The following FBN1 variants were observed in gnomAD, a reference collection of about 807,000 sequenced individuals.
FBN1 encodes fibrillin 1.
FBN1 carries 29 observed loss-of-function variants against 365.1 expected under a neutral mutation model. The observed-to-expected ratio is 0.08, with a 90% confidence interval of 0.06 to 0.11. The LOEUF (loss-of-function observed/expected upper bound fraction) is 0.11, where lower values mean the gene tolerates loss of function less well. Among genes scored for constraint, FBN1 ranks in the 10% least tolerant of loss-of-function variants. The probability of loss-of-function intolerance (pLI) is 1.00; values close to 1 mark genes in which losing one functional copy is unlikely to be tolerated. For missense variants in FBN1, 2,476 were observed against 3,703.2 expected (o/e 0.67, Z 8.60); for synonymous variants, 1,210 against 1,270.5 (o/e 0.95, Z 1.01).
chr15:48,469,054 C>T (rs992489444), intron 36 of FBN1, among the ~76,000 whole-genome samples: 13 of 105,520 alleles, frequency 1.2e-4, no homozygotes, highest in Middle Eastern at 4.5e-3. Flanking sequence ...GGCGACAGAG[C>T]GAGACTCCGT....
intron 6 of FBN1, among the ~76,000 whole-genome samples, chr15:48,579,220 A>C (rs1211731232): frequency 6.6e-6 from 1 of 152,110 alleles, no homozygotes; most frequent in Non-Finnish European, 1.5e-5. Flanking sequence ...TGGATGTAGC[A>C]ATTAGAGCAG....
At chr15:48,446,533 C>A (rs1010415470) in intron 47 of FBN1, among the ~76,000 whole-genome samples, 173 bp downstream of exon 47, 1 of 152,176 alleles carries the variant, frequency 6.6e-6, no homozygotes, top group Non-Finnish European at 1.5e-5. Flanking sequence ...GGGGAGACTT[C>A]TGTAATATAT....
chr15:48,501,247 G>A (rs928789160), intron 17 of FBN1, among the ~76,000 whole-genome samples: 7 of 152,196 alleles, frequency 4.6e-5, no homozygotes, highest in Non-Finnish European at 8.8e-5. Flanking sequence ...TGATTAGGTC[G>A]TGAAGGCTCT....
intron 6 of FBN1, among the ~76,000 whole-genome samples, chr15:48,557,666 T>C (rs1408180858): frequency 1.3e-5 from 2 of 152,066 alleles, no homozygotes; most frequent in African/African-American, 2.4e-5. Context: ...TAGGTCCAGG[T>C]TGGGGAAGGG....
chr15:48,432,348 T>A (rs12324773), intron 55 of FBN1, among the ~76,000 whole-genome samples: 2,598 of 152,288 alleles, frequency 0.017, 57 homozygotes, highest in African/African-American at 0.052. Context: ...GTTTGTGAAA[T>A]AGAGCCTAGT....
rs112674013 is a variant in FBN1, at chr15:48,547,473, T to C, written c.539-9665A>G. On this transcript the variant is annotated intron_variant, in intron 6 of 65. Coordinates refer to ENST00000316623, the MANE Select transcript of FBN1 (RefSeq NM_000138.5). ...GGAGACACACCACATTCACATTCCA[T>C]GATAGCATCAATTCTGAGAGATCTG... Among the ~76,000 whole-genome samples, 980 of 152,280 alleles carry C rather than the reference T, an allele frequency of 6.4e-3. 11 individuals are homozygous for C. Among genetic ancestry groups the C allele is most frequent in the African/African-American group, 0.022 (929 of 41,558 alleles).
chr15:48,426,591 T>G (rs1424841155), intron 58 of FBN1, among the ~76,000 whole-genome samples: 1 of 152,120 alleles, frequency 6.6e-6, no homozygotes, highest in African/African-American at 2.4e-5. Context: ...ACCTCCTTAC[T>G]GCTTGGCGAA....
chr15:48,485,532 G>A, intron 29 of FBN1, 36 bp from the exon 30 acceptor site: 1 of 1,610,548 alleles, frequency 6.2e-7, no homozygotes, highest in Non-Finnish European at 8.5e-7. Context: ...CTTCTGATAT[G>A]GTTTGGATGT....
chr15:48,485,509 A>C lies in FBN1; in HGVS notation c.3590-13T>G. The C allele has an allele frequency of 6.2e-7, 1 of 1,614,062 alleles. No homozygotes were observed. Among genetic ancestry groups the C allele is most frequent in the Non-Finnish European group, 8.5e-7 (1 of 1,179,980 alleles). On this transcript the variant is annotated splice_polypyrimidine_tract_variant and intron_variant, in intron 29 of 65. Transcript: ENST00000316623. ...CATTCATCAATGTCTAAAAGAAATG[A>C]AAATAATATCACCTTCTGATATGGT...
In FBN1 at chr15:48,430,661, A is replaced by T. The variant is rs745421627; in HGVS notation, c.6871+10T>A. The T allele has an allele frequency of 6.2e-7, 1 of 1,613,480 alleles. No individual in the cohort carries two copies. The highest frequency in any genetic ancestry group is 1.1e-5 in the South Asian group (1 of 91,080). ...TGCACTCAAAGCTCCTTCCACAGGG[A>T]TCCTCTTACCTACACAGCCTTCTCC... On this transcript the variant is annotated intron_variant, in intron 56 of 65. Transcript: ENST00000316623.
At chr15:48,536,293 T>C (rs2044013412) in intron 7 of FBN1, among the ~76,000 whole-genome samples, 1 of 152,226 alleles carries the variant, frequency 6.6e-6, no homozygotes, top group South Asian at 2.1e-4. Flanking sequence ...GCTGGAAAGA[T>C]CCAGATTTAT....
intron 6 of FBN1, among the ~76,000 whole-genome samples, chr15:48,570,193 C>A (rs1158337364): frequency 6.6e-6 from 1 of 152,128 alleles, no homozygotes; most frequent in Non-Finnish European, 1.5e-5. Flanking sequence ...GGGGCAGATA[C>A]TAAACCTGTT....
At chr15:48,432,662 G>C (rs184230776) in intron 55 of FBN1, among the ~76,000 whole-genome samples, 2 of 152,280 alleles carry the variant, frequency 1.3e-5, no homozygotes, top group African/African-American at 4.8e-5. Flanking sequence ...CCTAATAAAG[G>C]ATGTGCAGTG....
chr15:48,425,753 C>A lies in FBN1; in HGVS notation c.7316G>T (p.Gly2439Val), dbSNP rs752064894. The change falls in exon 59 of 66, where the codon GGG (glycine) becomes GTG (valine). Residue 2439 changes from glycine (G) to valine (V), a missense_variant. Physicochemically the swap from Gly to Val is moderately radical, Grantham distance 109 (BLOSUM62 -3). Transcript: ENST00000316623. ...CKTGYTPDIT[G>V]TSCVDLNECN... is the part of the protein sequence containing the mutation. ...TAGACACTTACCTACACAGGAAGTC[C>A]CAGTTATATCTGGAGTGTACCCAGT... 1 of 1,613,378 alleles carries A rather than the reference C, an allele frequency of 6.2e-7. No homozygotes were observed. Among genetic ancestry groups the A allele is most frequent in the Admixed American group, 1.7e-5 (1 of 59,992 alleles).
At chr15:48,527,147 TC>T (rs1251815140) in intron 8 of FBN1, among the ~76,000 whole-genome samples, 3 of 152,206 alleles carry the variant, frequency 2.0e-5, no homozygotes, top group Non-Finnish European at 4.4e-5. Context: ...CCTCTTCTCT[TC>T]TGCAGGTGTT....
chr15:48,638,310 A>G (rs1004072215), intron 2 of FBN1, among the ~76,000 whole-genome samples: 2 of 152,230 alleles, frequency 1.3e-5, no homozygotes, highest in African/African-American at 4.8e-5. Context: ...CTTTCCACAT[A>G]GCAATGGTGG....
chr15:48,642,056 G>C (rs1174035967), intron 2 of FBN1: 1 of 152,188 alleles, frequency 6.6e-6, no homozygotes, highest in East Asian at 1.9e-4. Context: ...GCCATCACTA[G>C]GGAACTGTTC....
At chr15:48,641,262 C>T (rs1350201183) in intron 2 of FBN1, 1 of 151,568 alleles carries the variant, frequency 6.6e-6, no homozygotes, top group Non-Finnish European at 1.5e-5. Context: ...GCCTAAATTT[C>T]CACTGTGGAA....
At chr15:48,574,323 A>C (rs1433308449) in intron 6 of FBN1, among the ~76,000 whole-genome samples, 1 of 152,220 alleles carries the variant, frequency 6.6e-6, no homozygotes, top group African/African-American at 2.4e-5. Context: ...CTCATCTGAC[A>C]AATCAGTAAG....
Sources: gnomAD v4.1 joint callset for allele counts (sites outside exome capture counted in the v4.1 genomes callset) on GRCh38, gnomAD v4.1.1 for gene constraint, MANE v1.5 for transcripts, NCBI Gene and HGNC (gene_info 2026-07-23, HGNC 2026-07-21) for gene names.